Variants in ZFHX4 observed in about 807,000 individuals in gnomAD.
The protein encoded by ZFHX4 is zinc finger homeobox 4.
A neutral mutation model predicts 267.6 loss-of-function variants in ZFHX4; 56 were observed. That is an observed-to-expected ratio of 0.21 (90% confidence interval 0.17 to 0.26). ZFHX4 has a LOEUF of 0.26. Ranked by LOEUF, ZFHX4 falls within the 10% of genes least tolerant of loss-of-function variation. The pLI is 1.00. For synonymous variants in ZFHX4, 1,778 were observed against 1,665.6 expected, an observed-to-expected ratio of 1.07 and a Z score of -1.64; for missense variants, 4,332 against 4,420.0, an observed-to-expected ratio of 0.98 and a Z score of 0.56.
In ZFHX4 at chr8:76,707,607, G is replaced by A. The variant is rs1236122433; in HGVS notation, c.2652G>A (p.Leu884=). The change falls in exon 3 of 11, where the codon CTG becomes CTA. Residue 884 remains leucine (L), a synonymous_variant. Coordinates refer to ENST00000651372, the MANE Select transcript of ZFHX4 (RefSeq NM_024721.5). ...LASGQLMGDD[L]SLLTAGELSP... ...GTGGTCAGCTAATGGGTGATGACCT[G>A]TCCCTCCTTACTGCAGGAGAGCTGT... 2.5e-6 allele frequency: 4 copies of A among 1,613,654 alleles called. No individual in the cohort carries two copies. The highest frequency in any genetic ancestry group is 1.7e-6 in the Non-Finnish European group (2 of 1,179,802).
chr8:76,685,831 T>C (rs1807678470), intron 1 of ZFHX4, among the ~76,000 whole-genome samples: 1 of 152,236 alleles, frequency 6.6e-6, no homozygotes, highest in African/African-American at 2.4e-5. Context: ...ACATTGTTGT[T>C]ATAGCTATCA....
At chr8:76,751,094 A>G (rs1809603191) in intron 3 of ZFHX4, among the ~76,000 whole-genome samples, 1 of 152,088 alleles carries the variant, frequency 6.6e-6, no homozygotes, top group Non-Finnish European at 1.5e-5. Context: ...TCCTCTATGA[A>G]ATGTCTCTTG....
chr8:76,849,161 T>C, intron 7 of ZFHX4, 33 bp downstream of exon 7: 2 of 1,521,634 alleles, frequency 1.3e-6, no homozygotes, highest in Non-Finnish European at 1.8e-6. Context: ...ACTGTGTAAA[T>C]CTTTATTTTT....
chr8:76,824,792 C>A (rs960583468), intron 4 of ZFHX4, among the ~76,000 whole-genome samples: 1 of 151,982 alleles, frequency 6.6e-6, no homozygotes, highest in Admixed American at 6.6e-5. Flanking sequence ...AGGCTGCTCT[C>A]GAACTCCGGC....
At chr8:76,774,190 T>C (rs183274856) in intron 3 of ZFHX4, among the ~76,000 whole-genome samples, 110 of 152,278 alleles carry the variant, frequency 7.2e-4, no homozygotes, top group African/African-American at 2.5e-3. Context: ...GGGCTTTGTC[T>C]GAAGTGGCAT....
At chr8:76,685,807 G>C (rs1585846182) in intron 1 of ZFHX4, among the ~76,000 whole-genome samples, 1 of 152,100 alleles carries the variant, frequency 6.6e-6, no homozygotes, top group South Asian at 2.1e-4. Flanking sequence ...ATAATCAAGA[G>C]GTGTCATTTG....
intron 4 of ZFHX4, among the ~76,000 whole-genome samples, chr8:76,799,021 C>T (rs1811053478): frequency 6.6e-6 from 1 of 152,134 alleles, no homozygotes; most frequent in African/African-American, 2.4e-5. Flanking sequence ...TTCATATTTA[C>T]AATAAGAATG....
chr8:76,828,824 G>T (rs1254778963), intron 4 of ZFHX4, among the ~76,000 whole-genome samples: 1 of 152,216 alleles, frequency 6.6e-6, no homozygotes, highest in Admixed American at 6.5e-5. Flanking sequence ...TCATAATGCT[G>T]CATAGGAATA....
rs773314638 is a variant in ZFHX4 at position 76,851,969 on chromosome 8, C to G, written c.5048C>G (p.Pro1683Arg). The change falls in exon 10 of 11, where the codon CCT (proline) becomes CGT (arginine). Residue 1683 changes from proline to arginine, a missense_variant. Transcript: ENST00000651372. ...KQTPDLISAQ[P>R]AHHPPQSPAQ... is the part of the protein sequence containing the mutation. ...ACTCCTGATTTAATCTCTGCTCAAC[C>G]TGCACATCACCCACCACAGTCACCA... is the stretch of plus-strand genomic sequence containing the variant. The G allele has an allele frequency of 8.1e-6, 13 of 1,613,856 alleles. No individual in the cohort carries two copies. The highest frequency in any genetic ancestry group is 1.1e-5 in the Non-Finnish European group (13 of 1,179,884).
intron 4 of ZFHX4, among the ~76,000 whole-genome samples, chr8:76,832,570 CAGAG>C (rs1225373554): frequency 6.6e-6 from 1 of 152,044 alleles, no homozygotes; most frequent in Non-Finnish European, 1.5e-5. Flanking sequence ...GAGAAGAAGA[CAGAG>C]GGAATAGAGA....
chr8:76,711,067 G>T (rs1402010969), intron 3 of ZFHX4, among the ~76,000 whole-genome samples: 3 of 151,976 alleles, frequency 2.0e-5, no homozygotes, highest in African/African-American at 7.2e-5. Flanking sequence ...ATGGTATTTT[G>T]GCAAAGAACC....
Position 76,681,403 on chromosome 8 carries a change from C to A in ZFHX4, c.-264C>A, listed in dbSNP as rs1340897655. 5.0e-6 allele frequency: 2 copies of A among 398,938 alleles called. No individual in the cohort carries two copies. Among genetic ancestry groups the A allele is most frequent in the Non-Finnish European group, 8.8e-6 (2 of 226,074 alleles). 24.7% of individuals were successfully genotyped at this position (398,938 alleles called of 1,614,324 possible). ...ACAGCGAGACCGCGGTCGGCACATG[C>A]TTTAACTCCTCCCGGACCCCCGAGG... On this transcript the variant is annotated 5_prime_UTR_variant, in exon 1 of 11. Coordinates refer to ENST00000651372, the MANE Select transcript of ZFHX4 (RefSeq NM_024721.5).
At position 76,851,987 on chromosome 8, in the gene ZFHX4, A is replaced by T; in HGVS notation, c.5066A>T (p.Gln1689Leu). ...GCTCAACCTGCACATCACCCACCAC[A>T]GTCACCAGCACAAATTCAGATGCAA... Reference protein sequence around the residue: ...ISAQPAHHPPQSPAQIQMQLQ... With the variant: ...ISAQPAHHPPLSPAQIQMQLQ... The change falls in exon 10 of 11, where the codon CAG (glutamine) becomes CTG (leucine). Residue 1689 changes from glutamine to leucine, a missense_variant. This residue lies in a region of ZFHX4 where 1,371 missense variants were observed against 1,423.1 expected (regional missense o/e 0.96). Coordinates refer to ENST00000651372, the MANE Select transcript of ZFHX4 (RefSeq NM_024721.5). The T allele has an allele frequency of 6.2e-7, 1 of 1,613,998 alleles. No individual in the cohort carries two copies. The highest frequency in any genetic ancestry group is 8.5e-7 in the Non-Finnish European group (1 of 1,179,866).
intron 3 of ZFHX4, among the ~76,000 whole-genome samples, chr8:76,750,653 A>G (rs1362847389): frequency 2.0e-5 from 3 of 152,150 alleles, no homozygotes; most frequent in Non-Finnish European, 4.4e-5. Context: ...TTTCCCAGCT[A>G]TACTGTAAAT....
At position 76,851,883 on chromosome 8, in the gene ZFHX4, T is replaced by G. The variant is rs777313758; in HGVS notation, c.4962T>G (p.Ser1654Arg). ...SPGQGMLDSM[S>R]LAAVNSKDTH... Reference sequence around the variant, plus strand: ...GCCAGGGGATGTTAGATTCCATGAGTTTAGCAGCTGTAAACAGCAAAGATA... The same window carrying G: ...GCCAGGGGATGTTAGATTCCATGAGGTTAGCAGCTGTAAACAGCAAAGATA... Residue 1654 changes from serine (S) to arginine (R), a missense_variant, in exon 10 of 11, where the codon AGT (serine) becomes AGG (arginine). By Grantham distance (110) the Ser-to-Arg change is moderately radical. This residue lies in a region of ZFHX4 where 1,371 missense variants were observed against 1,423.1 expected (regional missense o/e 0.96). Coordinates refer to ENST00000651372, the MANE Select transcript of ZFHX4 (RefSeq NM_024721.5). 2 of 1,613,806 alleles carry G rather than the reference T, an allele frequency of 1.2e-6. No homozygotes were observed. Among genetic ancestry groups the G allele is most frequent in the South Asian group, 2.2e-5 (2 of 91,072 alleles).
chr8:76,828,777 A>G (rs527959594), intron 4 of ZFHX4, among the ~76,000 whole-genome samples: 1 of 152,184 alleles, frequency 6.6e-6, no homozygotes, highest in African/African-American at 2.4e-5. Flanking sequence ...AAAAAAAGTA[A>G]GAGTTGGGCT....
At chr8:76,744,932 G>C (rs904719719) in intron 3 of ZFHX4, among the ~76,000 whole-genome samples, 1 of 152,058 alleles carries the variant, frequency 6.6e-6, no homozygotes, top group Non-Finnish European at 1.5e-5. Flanking sequence ...TTCTAGACAA[G>C]AGCCTGGAAA....
At chr8:76,817,421 A>G (rs1290379379) in intron 4 of ZFHX4, among the ~76,000 whole-genome samples, 1 of 152,156 alleles carries the variant, frequency 6.6e-6, no homozygotes, top group East Asian at 1.9e-4. Flanking sequence ...AGTCAAGTTG[A>G]CAGTCTGTTT....
chr8:76,821,805 C>T (rs1404666059), intron 4 of ZFHX4, among the ~76,000 whole-genome samples: 1 of 152,204 alleles, frequency 6.6e-6, no homozygotes, highest in Non-Finnish European at 1.5e-5. Context: ...TCACCTCTTG[C>T]ATCTGGTTGT....
Sources: allele counts gnomAD v4.1 joint callset (sites outside exome capture counted in the v4.1 genomes callset), GRCh38; gene constraint gnomAD v4.1.1; regional missense constraint gnomAD v4.1.1; transcripts MANE v1.5; gene names NCBI Gene and HGNC (gene_info 2026-07-23, HGNC 2026-07-21).